The following LACC1 variants were observed in gnomAD, a reference collection of about 807,000 sequenced individuals.
LACC1 encodes the protein laccase domain multifunctional purine nucleosidase 1, also known as purine nucleoside phosphorylase LACC1.
A neutral mutation model predicts 34.8 loss-of-function variants in LACC1; 25 were observed. That is an observed-to-expected ratio of 0.72 (90% CI 0.52 to 1.00). LACC1 has a LOEUF of 1.00. Among genes scored for constraint, LACC1 ranks in the 50% least tolerant of loss-of-function variants. LACC1 has a pLI of 0.00. For missense variants in LACC1, 426 were observed against 511.2 expected (o/e 0.83, Z 1.61); for synonymous variants, 162 against 168.0 (o/e 0.96, Z 0.28).
chr13:43,881,601 C>G (rs773496745), intron 2 of LACC1, 54 bp downstream of exon 2: 257 of 1,318,590 alleles, frequency 1.9e-4, no homozygotes, highest in Non-Finnish European at 2.6e-4. Flanking sequence ...ACTAGTCTTT[C>G]TTCAGAGGTA....
chr13:43,891,954 A>C lies in LACC1; in HGVS notation c.*507A>C, dbSNP rs557563189. 6 of 152,158 alleles carry C rather than the reference A, an allele frequency of 3.9e-5. No homozygotes were observed. Among genetic ancestry groups the C allele is most frequent in the African/African-American group, 1.2e-4 (5 of 41,454 alleles). The allele number at this position is 152,158 out of a possible 1,614,324, so 9.4% of individuals were successfully genotyped here. On this transcript the variant is annotated 3_prime_UTR_variant, in exon 7 of 7. Transcript: ENST00000325686. ...TATTACAGAGAAAATCACATATCACATGGGCTCGAAAGATGTAGAGGTTTT... is the reference window on the plus strand; with the variant it reads ...TATTACAGAGAAAATCACATATCACCTGGGCTCGAAAGATGTAGAGGTTTT...
chr13:43,885,413 A>G (rs66800011), intron 4 of LACC1, among the ~76,000 whole-genome samples: 13,850 of 152,240 alleles, frequency 0.091, 695 homozygotes, highest in Middle Eastern at 0.12. Flanking sequence ...ACTGACACAT[A>G]GGCCAATAGA....
chr13:43,879,349 C>T (rs994834766), upstream of LACC1: 20 of 153,830 alleles, frequency 1.3e-4, no homozygotes, highest in Non-Finnish European at 2.7e-4. Flanking sequence ...CCTATCCCTC[C>T]TCAAGGGGCC....
intron 4 of LACC1, among the ~76,000 whole-genome samples, chr13:43,888,406 A>G (rs972988676): frequency 2.0e-5 from 3 of 152,188 alleles, no homozygotes; most frequent in African/African-American, 7.2e-5. Flanking sequence ...ACTGAACTGT[A>G]TACTTAGAAT....
chr13:43,891,642 T>C lies in LACC1; in HGVS notation c.*195T>C, dbSNP rs1955571989. The C allele has an allele frequency of 1.5e-6, 1 of 669,538 alleles. No individual in the cohort carries two copies. The highest frequency in any genetic ancestry group is 2.0e-5 in the African/African-American group (1 of 50,976). The allele number at this position is 669,538 out of a possible 1,614,324, so 41.5% of individuals were successfully genotyped here. A position where few individuals can be genotyped will look rare whatever the true frequency, so the allele number is the denominator to read the frequency against. ...TAATAATAACTGACAAAAATCAGTA[T>C]GTTGTAGCTAATATGTTTTATGCAT... On this transcript the variant is annotated 3_prime_UTR_variant, in exon 7 of 7. Transcript: ENST00000325686.
In LACC1 at chr13:43,891,637, C is replaced by A; in HGVS notation, c.*190C>A. The A allele has an allele frequency of 1.4e-6, 1 of 712,468 alleles. No homozygotes were observed. The highest frequency in any genetic ancestry group is 1.7e-6 in the Non-Finnish European group (1 of 581,264). The allele number at this position is 712,468 out of a possible 1,614,324, so 44.1% of individuals were successfully genotyped here. A position where few individuals can be genotyped will look rare whatever the true frequency, so the allele number is the denominator to read the frequency against. On this transcript the variant is annotated 3_prime_UTR_variant, in exon 7 of 7. Transcript: ENST00000325686. Reference sequence around the variant, plus strand: ...AATTGTAATAATAACTGACAAAAATCAGTATGTTGTAGCTAATATGTTTTA... The same window carrying A: ...AATTGTAATAATAACTGACAAAAATAAGTATGTTGTAGCTAATATGTTTTA...
At chr13:43,883,676 A>C in intron 3 of LACC1, 95 bp from the exon 4 acceptor site, 1 of 859,588 alleles carries the variant, frequency 1.2e-6, no homozygotes, top group Non-Finnish European at 1.7e-6. Flanking sequence ...TAAACTGGTT[A>C]TATAATTTTA....
chr13:43,884,067 C>A, intron 4 of LACC1, 131 bp downstream of exon 4: 1 of 621,842 alleles, frequency 1.6e-6, no homozygotes. Flanking sequence ...ATGGGAGAGG[C>A]GGCATAGTTT....
rs1955593875 is a variant in LACC1, at chr13:43,892,175, A to G, written c.*728A>G. 7.7e-6 allele frequency: 1 copy of G among 129,592 alleles called. No individual in the cohort carries two copies. Among genetic ancestry groups the G allele is most frequent in the Non-Finnish European group, 1.8e-5 (1 of 55,408 alleles). 8.0% of individuals were successfully genotyped at this position (129,592 alleles called of 1,614,324 possible). On this transcript the variant is annotated 3_prime_UTR_variant, in exon 7 of 7. Coordinates refer to ENST00000325686, the MANE Select transcript of LACC1 (RefSeq NM_153218.4). ...GCAGTTTATTTTCCAGGCAATGAGT[A>G]GGCAGCCAAAAAAAAAAAAGTAAGG...
chr13:43,886,290 T>C lies in LACC1; in HGVS notation c.907+2354T>C, dbSNP rs576505229. Reference sequence around the variant, plus strand: ...CAAAGGAATATAAATTATTCTGCCATAAAGACACATGCACACGTATGTTCA... The same window carrying C: ...CAAAGGAATATAAATTATTCTGCCACAAAGACACATGCACACGTATGTTCA... On this transcript the variant is annotated intron_variant, in intron 4 of 6. Transcript: ENST00000325686. 5.3e-5 allele frequency among the ~76,000 whole-genome samples: 8 copies of C among 152,254 alleles called. No individual in the cohort carries two copies. In the South Asian group the frequency reaches 1.7e-3, roughly 32 times the overall value.
intron 4 of LACC1, among the ~76,000 whole-genome samples, chr13:43,886,918 A>G (rs1183424070): frequency 6.6e-6 from 1 of 152,188 alleles, no homozygotes; most frequent in African/African-American, 2.4e-5. Context: ...AAAATCAAAT[A>G]GAAAGGAGGT....
chr13:43,884,608 G>T (rs1044398679), intron 4 of LACC1, among the ~76,000 whole-genome samples: 8 of 152,128 alleles, frequency 5.3e-5, no homozygotes, highest in African/African-American at 1.9e-4. Context: ...AAGGTATATT[G>T]TGTTAAGGAT....
At chr13:43,889,083 T>C (rs913124723) in intron 5 of LACC1, 101 bp downstream of exon 5, 3 of 913,412 alleles carry the variant, frequency 3.3e-6, no homozygotes, top group Non-Finnish European at 5.2e-6. Flanking sequence ...AGAATTTAGG[T>C]GGTGGTTATT....
intron 4 of LACC1, among the ~76,000 whole-genome samples, chr13:43,888,401 A>G (rs1375988071): frequency 6.6e-6 from 1 of 152,156 alleles, no homozygotes; most frequent in Non-Finnish European, 1.5e-5. Flanking sequence ...ACACTACTGA[A>G]CTGTATACTT....
intron 4 of LACC1, among the ~76,000 whole-genome samples, chr13:43,888,126 A>C (rs73465601): frequency 0.046 from 7,020 of 152,242 alleles, 335 homozygotes; most frequent in African/African-American, 0.11. Flanking sequence ...AAAAGGCAGG[A>C]TATTCTGACA....
chr13:43,893,106 T>TAA lies in LACC1; in HGVS notation c.*1660_*1661dup, dbSNP rs1304247293. The TAA allele has an allele frequency of 6.6e-6, 1 of 152,222 alleles. No individual in the cohort carries two copies. The highest frequency in any genetic ancestry group is 1.5e-5 in the Non-Finnish European group (1 of 67,942). The allele number at this position is 152,222 out of a possible 1,614,324, so 9.4% of individuals were successfully genotyped here. A position where few individuals can be genotyped will look rare whatever the true frequency, so the allele number is the denominator to read the frequency against. ...ATTTGGGAAAAATTGTATATATATT[T>TAA]AATGTAAGTTATCACATTGCATCTT... On this transcript the variant is annotated 3_prime_UTR_variant, in exon 7 of 7. Coordinates refer to ENST00000325686, the MANE Select transcript of LACC1 (RefSeq NM_153218.4).
intron 4 of LACC1, among the ~76,000 whole-genome samples, chr13:43,887,964 C>T (rs1184659903): frequency 6.6e-6 from 1 of 152,098 alleles, no homozygotes; most frequent in Non-Finnish European, 1.5e-5. Context: ...TCCAAAATAA[C>T]TGAAATCAGG....
At position 43,892,531 on chromosome 13, in the gene LACC1, GATA is replaced by G. The variant is rs2138386058; in HGVS notation, c.*1087_*1089del. On this transcript the variant is annotated 3_prime_UTR_variant, in exon 7 of 7. Transcript: ENST00000325686. Reference sequence around the variant, plus strand: ...GAGAAGGTTTGGAAAAAGAGAGAAGGATAATGAGTTTGACTTTACATAGAATGA... The same window carrying G: ...GAGAAGGTTTGGAAAAAGAGAGAAGGATGAGTTTGACTTTACATAGAATGA... 1.3e-5 allele frequency: 2 copies of G among 152,032 alleles called. 1 individual carries two copies. Among genetic ancestry groups the G allele is most frequent in the African/African-American group, 4.8e-5 (2 of 41,502 alleles). 9.4% of individuals were successfully genotyped at this position (152,032 alleles called of 1,614,324 possible).
At chr13:43,887,527 G>T (rs1442576600) in intron 4 of LACC1, among the ~76,000 whole-genome samples, 2 of 152,158 alleles carry the variant, frequency 1.3e-5, no homozygotes, top group Non-Finnish European at 2.9e-5. Flanking sequence ...AAGATGCAAG[G>T]CAGATAAGAC....
Sources: gnomAD v4.1 joint callset for allele counts (sites outside exome capture counted in the v4.1 genomes callset) on GRCh38, gnomAD v4.1.1 for gene constraint, MANE v1.5 for transcripts, NCBI Gene and HGNC (gene_info 2026-07-23, HGNC 2026-07-21) for gene names.